Variants in CST8 observed in about 807,000 individuals in gnomAD.
The protein encoded by CST8 is cystatin 8, also known as cystatin-8.
CST8 carries 20 observed loss-of-function variants against 11.8 expected under a neutral mutation model. That is an observed-to-expected ratio of 1.70 (90% CI 1.20 to 2.47). The LOEUF (loss-of-function observed/expected upper bound fraction) is 2.47, where lower values mean the gene tolerates loss of function less well. CST8 is among the 30% of genes most tolerant of loss of function. The pLI, the probability that CST8 is intolerant of heterozygous loss-of-function variation, is 0.00. For synonymous variants in CST8, 77 were observed against 63.1 expected (o/e 1.22, Z -1.05); for missense variants, 196 against 167.2 (o/e 1.17, Z -0.95).
At chr20:23,506,751 G>A in the CST8 span, among the ~76,000 whole-genome samples, 1 of 152,112 alleles carries the variant, frequency 6.6e-6, no homozygotes, top group Non-Finnish European at 1.5e-5. Context: ...CTTACCTCTG[G>A]CTTTTCTTTC....
chr20:23,500,426 G>C (rs989381265), downstream of CST8, among the ~76,000 whole-genome samples: 1 of 152,120 alleles, frequency 6.6e-6, no homozygotes, highest in Admixed American at 6.5e-5. Context: ...TCTACCTGTA[G>C]GGCCTTCACC....
the CST8 span, among the ~76,000 whole-genome samples, chr20:23,505,358 A>G: frequency 6.6e-6 from 1 of 151,980 alleles, no homozygotes; most frequent in East Asian, 1.9e-4. Flanking sequence ...GTCAGCCAGG[A>G]TGGTCTGGAT....
At chr20:23,496,101 A>G (rs929949453), downstream of CST8, 7 of 577,152 alleles carry the variant, frequency 1.2e-5, no homozygotes, top group African/African-American at 1.9e-5. Context: ...GCTGGCACCG[A>G]ACACAGCCAC....
the CST8 span, among the ~76,000 whole-genome samples, chr20:23,506,141 C>G: frequency 6.6e-6 from 1 of 152,220 alleles, no homozygotes; most frequent in Admixed American, 6.5e-5. Flanking sequence ...TACATTATAA[C>G]ATTTTGCCAC....
downstream of CST8, among the ~76,000 whole-genome samples, chr20:23,497,386 C>G (rs1988074748): frequency 1.3e-5 from 2 of 152,224 alleles, no homozygotes; most frequent in Non-Finnish European, 2.9e-5. Context: ...GCTAACTCAG[C>G]AGGTTCCATC....
the CST8 span, among the ~76,000 whole-genome samples, chr20:23,501,660 C>A: frequency 6.6e-6 from 1 of 152,188 alleles, no homozygotes; most frequent in Non-Finnish European, 1.5e-5. Flanking sequence ...CCAGAGAAGG[C>A]GACACTGCGA....
intron 3 of CST8, among the ~76,000 whole-genome samples, chr20:23,495,423 T>C (rs1467105866): frequency 6.6e-6 from 1 of 152,250 alleles, no homozygotes; most frequent in Non-Finnish European, 1.5e-5. Context: ...ACCAGCAGTG[T>C]GTAAGCATTC....
At chr20:23,492,171 G>A (rs1987907828) in intron 2 of CST8, among the ~76,000 whole-genome samples, 1 of 152,208 alleles carries the variant, frequency 6.6e-6, no homozygotes, top group Non-Finnish European at 1.5e-5. Flanking sequence ...TGCTAAGGTT[G>A]GGAGACAGAT....
the CST8 span, among the ~76,000 whole-genome samples, chr20:23,502,208 T>C: frequency 1.3e-5 from 2 of 152,208 alleles, no homozygotes; most frequent in Non-Finnish European, 2.9e-5. Context: ...CTTACTGAAA[T>C]GTCCAGGAAA....
At chr20:23,492,206 CT>C (rs1196134791) in intron 2 of CST8, among the ~76,000 whole-genome samples, 1 of 152,192 alleles carries the variant, frequency 6.6e-6, no homozygotes, top group Non-Finnish European at 1.5e-5. Flanking sequence ...GAGAAAAGAT[CT>C]GATAAAGGTG....
At chr20:23,494,817 A>G (rs1293988942) in intron 3 of CST8, among the ~76,000 whole-genome samples, 11 of 152,254 alleles carry the variant, frequency 7.2e-5, no homozygotes. Flanking sequence ...AAGGGATTTT[A>G]AAAAGTTTAT....
In CST8 at chr20:23,492,055, G is replaced by C. The variant is rs925896414; in HGVS notation, c.231+157G>C. ...ACACTTCCACAGCATCAATAAGGCAGTGAACACACAGAGCACTTTCTACAA... is the reference window on the plus strand; with the variant it reads ...ACACTTCCACAGCATCAATAAGGCACTGAACACACAGAGCACTTTCTACAA... On this transcript the variant is annotated intron_variant, in intron 2 of 3. Coordinates refer to ENST00000246012, the MANE Select transcript of CST8 (RefSeq NM_005492.4). 8.5e-5 allele frequency among the ~76,000 whole-genome samples: 13 copies of C among 152,232 alleles called. 1 individual carries two copies. Among genetic ancestry groups the C allele is most frequent in the African/African-American group, 3.1e-4 (13 of 41,468 alleles).
At chr20:23,492,237 C>T (rs1419541229) in intron 2 of CST8, among the ~76,000 whole-genome samples, 2 of 152,160 alleles carry the variant, frequency 1.3e-5, no homozygotes, top group African/African-American at 4.8e-5. Context: ...GAACCTGGAC[C>T]CAACTAGCAG....
downstream of CST8, among the ~76,000 whole-genome samples, chr20:23,498,237 T>TGCTGAACTA (rs1267282928): frequency 1.3e-5 from 2 of 152,194 alleles, no homozygotes; most frequent in African/African-American, 4.8e-5. Context: ...TAGACAACAC[T>TGCTGAACTA]GCTGAACTAC....
chr20:23,496,120 G>A (rs1988040655), downstream of CST8: 5 of 556,362 alleles, frequency 9.0e-6, no homozygotes, highest in Admixed American at 3.6e-5. Flanking sequence ...ACGCACCTTT[G>A]TTCAGCTTGA....
chr20:23,492,188 C>T (rs998996357), intron 2 of CST8, among the ~76,000 whole-genome samples: 5 of 152,188 alleles, frequency 3.3e-5, no homozygotes, highest in African/African-American at 9.7e-5. Flanking sequence ...AGATAGAATG[C>T]TAGCCATGAG....
At chr20:23,495,292 C>T (rs1376046633) in intron 3 of CST8, among the ~76,000 whole-genome samples, 5 of 152,100 alleles carry the variant, frequency 3.3e-5, no homozygotes, top group East Asian at 1.9e-4. Context: ...CATGTGTCTT[C>T]GTGGTAGAAC....
rs372501524 is a variant in CST8, at chr20:23,493,039, T to G, written c.313T>G (p.Cys105Gly). ...CRKPLSTNEI[C>G]AIQENSKLKR... is the part of the protein sequence containing the mutation. ...AAAGCCTTTAAGCACTAATGAAATC[T>G]GCGCCATTCAAGAAAACTCCAAGCT... is the stretch of plus-strand genomic sequence containing the variant. The change falls in exon 3 of 4, where the codon TGC becomes GGC. Residue 105 changes from cysteine to glycine, a missense_variant. Cys to Gly is a radical substitution (Grantham distance 159). Coordinates refer to ENST00000246012, the MANE Select transcript of CST8 (RefSeq NM_005492.4). 1.2e-5 allele frequency: 19 copies of G among 1,612,398 alleles called. No individual in the cohort carries two copies. Among genetic ancestry groups the G allele is most frequent in the Middle Eastern group, 3.3e-4 (2 of 6,080 alleles).
Position 23,493,089 on chromosome 20 carries a change from C to T in CST8, c.345+18C>T. On this transcript the variant is annotated intron_variant, in intron 3 of 3. Coordinates refer to ENST00000246012, the MANE Select transcript of CST8 (RefSeq NM_005492.4). ...TGAAAAGGGTAGGTGATGAACCACT[C>T]ATCTGTGACGGCCTAGGCAGCTCTG... 2.1e-6 allele frequency: 3 copies of T among 1,404,862 alleles called. No individual in the cohort carries two copies. The highest frequency in any genetic ancestry group is 1.4e-5 in the African/African-American group (1 of 70,846). 87.0% of individuals were successfully genotyped at this position (1,404,862 alleles called of 1,614,324 possible).
Sources: allele counts gnomAD v4.1 joint callset (sites outside exome capture counted in the v4.1 genomes callset), GRCh38; gene constraint gnomAD v4.1.1; transcripts MANE v1.5; gene names NCBI Gene and HGNC (gene_info 2026-07-23, HGNC 2026-07-21).